The following PTPRD variants were observed in gnomAD, a reference collection of about 807,000 sequenced individuals.
PTPRD encodes protein tyrosine phosphatase receptor type D.
Under a neutral mutation model 214.5 loss-of-function variants are expected in PTPRD, and 34 were observed. The ratio of observed to expected loss-of-function variants is 0.16; its 90% CI spans 0.12 to 0.21. The LOEUF is 0.21. Ranked by LOEUF, PTPRD falls within the 10% of genes least tolerant of loss-of-function variation. The pLI is 1.00. For synonymous variants in PTPRD, 1,128 were observed against 845.7 expected, an observed-to-expected ratio of 1.33 and a Z score of -5.79; for missense variants, 2,545 against 2,398.7, an observed-to-expected ratio of 1.06 and a Z score of -1.27.
chr9:8,316,979 GTA>G lies in PTPRD; in HGVS notation c.*893_*894del, dbSNP rs1822315393. On this transcript the variant is annotated 3_prime_UTR_variant, in exon 46 of 46. Transcript: ENST00000381196. ...ACCCTTATAAAATATGGATATATAT[GTA>G]TATATGTTAGCAGCAACTTTATACT... 3 of 231,170 alleles carry G rather than the reference GTA, an allele frequency of 1.3e-5. No homozygotes were observed. In the South Asian group the frequency reaches 5.4e-4, roughly 42 times the overall value. 14.3% of individuals were successfully genotyped at this position (231,170 alleles called of 1,614,324 possible). A position where few individuals can be genotyped will look rare whatever the true frequency, so the allele number is the denominator to read the frequency against.
intron 37 of PTPRD, among the ~76,000 whole-genome samples, chr9:8,383,901 C>G (rs1283955633): frequency 1.3e-5 from 2 of 152,118 alleles, no homozygotes; most frequent in Non-Finnish European, 1.5e-5. Context: ...CCTGACTAAG[C>G]CTTTCAACTG....
At chr9:8,320,022 A>T (rs1825774088) in intron 44 of PTPRD, 56 bp from the exon 45 acceptor site, 38 of 1,587,618 alleles carry the variant, frequency 2.4e-5, no homozygotes, top group Non-Finnish European at 3.2e-5. Context: ...TCTTGGCCAC[A>T]TTTGCTTGGG....
chr9:10,030,302 G>A (rs929104844), intron 4 of PTPRD, among the ~76,000 whole-genome samples: 5 of 132,580 alleles, frequency 3.8e-5, no homozygotes, highest in Admixed American at 7.5e-5. Flanking sequence ...GGGGAAACTG[G>A]GTAGATACCC....
intron 39 of PTPRD, among the ~76,000 whole-genome samples, chr9:8,359,991 G>A (rs1223929465): frequency 6.6e-6 from 1 of 152,166 alleles, no homozygotes; most frequent in Non-Finnish European, 1.5e-5. Flanking sequence ...TGTTTGTTAG[G>A]AGGCTACTCT....
At chr9:10,431,318 A>C (rs994685234) in intron 2 of PTPRD, among the ~76,000 whole-genome samples, 38 of 152,012 alleles carry the variant, frequency 2.5e-4, no homozygotes, top group African/African-American at 8.7e-4. Context: ...GTTAGACCTA[A>C]AACCATAAAA....
chr9:10,119,573 T>C (rs2098758361), intron 3 of PTPRD, among the ~76,000 whole-genome samples: 1 of 151,898 alleles, frequency 6.6e-6, no homozygotes, highest in Non-Finnish European at 1.5e-5. Flanking sequence ...AAAATAAACG[T>C]GTCAAAGATT....
intron 6 of PTPRD, among the ~76,000 whole-genome samples, chr9:9,755,071 A>G (rs2098555443): frequency 6.6e-6 from 1 of 151,966 alleles, no homozygotes; most frequent in South Asian, 2.1e-4. Flanking sequence ...GGAATAAGAA[A>G]TTTTGGGGAG....
chr9:9,085,035 A>G (rs1227614200), intron 10 of PTPRD, among the ~76,000 whole-genome samples: 1 of 152,164 alleles, frequency 6.6e-6, no homozygotes, highest in Non-Finnish European at 1.5e-5. Flanking sequence ...GTTAAGCACA[A>G]AAGGAGATAT....
intron 8 of PTPRD, among the ~76,000 whole-genome samples, chr9:9,422,529 G>A (rs1022918667): frequency 5.9e-5 from 9 of 152,008 alleles, no homozygotes; most frequent in Admixed American, 1.3e-4. Flanking sequence ...CCGGAAGGAC[G>A]GTAAATTCAT....
intron 9 of PTPRD, among the ~76,000 whole-genome samples, chr9:9,395,937 T>G (rs1361895322): frequency 6.6e-6 from 1 of 152,096 alleles, no homozygotes; most frequent in African/African-American, 2.4e-5. Context: ...TGCCTTTGAA[T>G]AGATTGCAGT....
rs72698248 is a variant in PTPRD, at chr9:8,626,602, C to G, written c.352+6715G>C. On this transcript the variant is annotated intron_variant, in intron 14 of 45. Transcript: ENST00000381196. ...CATTTAATTTAGTCACCAAGCAAAG[C>G]AGATTGCCCTCCCTAATGTGGGCAA... Among the ~76,000 whole-genome samples, 406 of 151,910 alleles carry G rather than the reference C, an allele frequency of 2.7e-3. 1 individual carries two copies. The highest frequency in any genetic ancestry group is 4.0e-3 in the Admixed American group (61 of 15,216).
At chr9:9,442,728 G>A (rs2088615353) in intron 8 of PTPRD, among the ~76,000 whole-genome samples, 1 of 152,150 alleles carries the variant, frequency 6.6e-6, no homozygotes, top group Non-Finnish European at 1.5e-5. Flanking sequence ...AACAGAGAAT[G>A]TTGCCATTGA....
At chr9:10,487,962 C>T (rs1589278474) in intron 2 of PTPRD, among the ~76,000 whole-genome samples, 1 of 139,616 alleles carries the variant, frequency 7.2e-6, no homozygotes, top group East Asian at 2.2e-4. Context: ...CCCAAATGAA[C>T]ACAGTCTCTC....
At chr9:9,787,587 G>A (rs10977976) in intron 5 of PTPRD, among the ~76,000 whole-genome samples, 70,434 of 151,550 alleles carry the variant, frequency 0.46, 17,270 homozygotes, top group Middle Eastern at 0.61. Context: ...AGAAAAAGAA[G>A]ATTGAGGAAT....
At chr9:9,932,732 C>A (rs1207860006) in intron 5 of PTPRD, among the ~76,000 whole-genome samples, 1 of 103,900 alleles carries the variant, frequency 9.6e-6, no homozygotes, top group African/African-American at 4.1e-5. Flanking sequence ...GAGAACGCCA[C>A]AAAGATACTC....
chr9:8,793,168 T>C (rs2096290631), intron 11 of PTPRD, among the ~76,000 whole-genome samples: 1 of 152,150 alleles, frequency 6.6e-6, no homozygotes, highest in Non-Finnish European at 1.5e-5. Context: ...TGTAACAGGG[T>C]TACTGCATGC....
intron 2 of PTPRD, among the ~76,000 whole-genome samples, chr9:10,586,293 C>G (rs1004005725): frequency 4.6e-5 from 7 of 151,896 alleles, no homozygotes; most frequent in Non-Finnish European, 8.8e-5. Context: ...AAATGTGAAT[C>G]ATACACCTTT....
intron 11 of PTPRD, among the ~76,000 whole-genome samples, chr9:8,940,260 C>T (rs1166495105): frequency 3.0e-5 from 3 of 98,858 alleles, no homozygotes; most frequent in Non-Finnish European, 6.1e-5. Context: ...GCATTTCACA[C>T]ATCTCTCTCT....
At chr9:10,435,501 T>C (rs939462700) in intron 2 of PTPRD, among the ~76,000 whole-genome samples, 4 of 151,894 alleles carry the variant, frequency 2.6e-5, no homozygotes, top group Admixed American at 6.6e-5. Flanking sequence ...GAATTTTCCT[T>C]ACTCCTGCTA....
Sources: gnomAD v4.1 joint callset for allele counts (sites outside exome capture counted in the v4.1 genomes callset) on GRCh38, gnomAD v4.1.1 for gene constraint, MANE v1.5 for transcripts, NCBI Gene and HGNC (gene_info 2026-07-23, HGNC 2026-07-21) for gene names.